The following ZBBX variants were observed in gnomAD, a reference collection of about 807,000 sequenced individuals.
ZBBX encodes the protein zinc finger B-box domain containing.
ZBBX carries 101 observed loss-of-function variants against 108.5 expected under a neutral mutation model. The ratio of observed to expected loss-of-function variants is 0.93; its 90% CI spans 0.79 to 1.10. ZBBX has a LOEUF of 1.10. ZBBX is among the 50% of genes least tolerant of loss of function. ZBBX has a pLI of 0.00. For missense variants in ZBBX, 1,009 were observed against 941.4 expected, an observed-to-expected ratio of 1.07 and a Z score of -0.94; for synonymous variants, 356 against 323.4, an observed-to-expected ratio of 1.10 and a Z score of -1.08.
intron 1 of ZBBX, among the ~76,000 whole-genome samples, chr3:167,389,148 G>A (rs372170010): frequency 4.6e-5 from 7 of 152,036 alleles, no homozygotes; most frequent in African/African-American, 1.7e-4. Flanking sequence ...CACCTGACAG[G>A]CCTCAGTGTG....
At chr3:167,386,134 AAAG>A (rs1747915475) in intron 1 of ZBBX, among the ~76,000 whole-genome samples, 1 of 152,070 alleles carries the variant, frequency 6.6e-6, no homozygotes. Flanking sequence ...CAGAAGAAAG[AAAG>A]AAAGGATAAA....
the ZBBX span, among the ~76,000 whole-genome samples, chr3:167,231,016 G>C: frequency 6.6e-6 from 1 of 151,724 alleles, no homozygotes; most frequent in African/African-American, 2.4e-5. Flanking sequence ...AAGAAAAAGA[G>C]GATTCGAAGG....
At chr3:167,325,918 G>T (rs1737299976) in intron 11 of ZBBX, among the ~76,000 whole-genome samples, 3 of 152,070 alleles carry the variant, frequency 2.0e-5, no homozygotes, top group African/African-American at 7.2e-5. Flanking sequence ...ACCAGAAAAT[G>T]CAGGAAAATA....
At chr3:167,196,164 T>C in the ZBBX span, among the ~76,000 whole-genome samples, 1 of 152,200 alleles carries the variant, frequency 6.6e-6, no homozygotes, top group Non-Finnish European at 1.5e-5. Flanking sequence ...CCTTTGATAC[T>C]GATGTATCAG....
chr3:167,244,648 G>A lies in ZBBX; in HGVS notation c.2255-2005C>T, dbSNP rs75595539. Among the ~76,000 whole-genome samples, 840 of 152,266 alleles carry A rather than the reference G, an allele frequency of 5.5e-3. 6 individuals carry two copies. The highest frequency in any genetic ancestry group is 0.019 in the African/African-American group (798 of 41,558). ...AACTGCTCATAACAACCCTATTGTA[G>A]GTTAGTGTTAAACTCAAAAGGTCAA... On this transcript the variant is annotated intron_variant, in intron 20 of 21. Coordinates refer to ENST00000675490, the MANE Select transcript of ZBBX (RefSeq NM_001199201.2).
chr3:167,365,474 A>G (rs537220326), intron 6 of ZBBX, among the ~76,000 whole-genome samples: 14 of 151,880 alleles, frequency 9.2e-5, no homozygotes, highest in Non-Finnish European at 1.6e-4. Context: ...ATGAATAATA[A>G]ATTATTATTG....
At chr3:167,369,078 C>G (rs1385760188) in intron 4 of ZBBX, among the ~76,000 whole-genome samples, 2 of 152,114 alleles carry the variant, frequency 1.3e-5, no homozygotes, top group Non-Finnish European at 2.9e-5. Context: ...TGTTTGAGAC[C>G]TATTAAGAAT....
At chr3:167,392,700 A>T (rs1466555972) in intron 1 of ZBBX, 1 of 151,698 alleles carries the variant, frequency 6.6e-6, no homozygotes, top group Non-Finnish European at 1.5e-5. Context: ...CTCATCTAAA[A>T]CTCATGGTTT....
chr3:167,184,589 G>A, the ZBBX span, among the ~76,000 whole-genome samples: 1 of 151,956 alleles, frequency 6.6e-6, no homozygotes, highest in Admixed American at 6.6e-5. Flanking sequence ...ACAGGAAACC[G>A]GTTACATTAA....
chr3:167,323,581 G>A (rs940227236), intron 11 of ZBBX, among the ~76,000 whole-genome samples: 4 of 152,070 alleles, frequency 2.6e-5, no homozygotes, highest in African/African-American at 9.7e-5. Context: ...GGATTTATGA[G>A]GCATGGCTCC....
At position 167,406,267 on chromosome 3, in the gene ZBBX, G is replaced by A. The variant is rs576229315; in HGVS notation, c.-446+1459C>T. On this transcript the variant is annotated intron_variant, in intron 1 of 21. Coordinates refer to the ZBBX transcript ENST00000455345. ...TGTGATAAACATTTAAAGGCAATTT[G>A]GACAAAAGCCTACTTATATTTTTCA... Among the ~76,000 whole-genome samples the A allele has an allele frequency of 6.0e-4, 92 of 152,254 alleles. 1 individual carries two copies. Among genetic ancestry groups the A allele is most frequent in the African/African-American group, 2.1e-3 (89 of 41,550 alleles).
chr3:167,377,225 A>T (rs1005043802), intron 2 of ZBBX, among the ~76,000 whole-genome samples: 4 of 152,176 alleles, frequency 2.6e-5, no homozygotes, highest in Non-Finnish European at 5.9e-5. Flanking sequence ...CAACCCACAC[A>T]TCAAAACCTA....
At position 167,242,500 on chromosome 3, in the gene ZBBX, C is replaced by T; in HGVS notation, c.2393+5G>A. 2.5e-6 allele frequency: 4 copies of T among 1,596,072 alleles called. 1 individual carries two copies. The South Asian group carries it at 4.6e-5, about 18-fold the overall frequency. On this transcript the variant is annotated splice_donor_5th_base_variant and intron_variant, in intron 21 of 21. Transcript: ENST00000675490. The stretch of plus-strand genomic sequence containing the variant: ...ATTAATAAATAAACTGCAGGCTTAA[C>T]TTACCTCAATTCCTCAACTCCACAG...
At position 167,314,639 on chromosome 3, in the gene ZBBX, A is replaced by G. The variant is rs138116107; in HGVS notation, c.1275-523T>C. Among the ~76,000 whole-genome samples the G allele has an allele frequency of 4.9e-3, 739 of 152,308 alleles. 2 individuals are homozygous for G. The highest frequency in any genetic ancestry group is 0.01 in the Middle Eastern group (3 of 294). On this transcript the variant is annotated intron_variant, in intron 15 of 21. Transcript: ENST00000675490. Reference sequence around the variant, plus strand: ...ATTTAGTAATACCTGATATTTATATAAGCTCTACAGAATACCATTATAAAA... The same window carrying G: ...ATTTAGTAATACCTGATATTTATATGAGCTCTACAGAATACCATTATAAAA...
intron 10 of ZBBX, among the ~76,000 whole-genome samples, chr3:167,333,481 C>T (rs1447949790): frequency 6.6e-6 from 1 of 152,058 alleles, no homozygotes; most frequent in African/African-American, 2.4e-5. Context: ...TTTAGCTTCT[C>T]TGAATGAAGT....
At chr3:167,285,612 T>C (rs955759858) in intron 19 of ZBBX, among the ~76,000 whole-genome samples, 2 of 152,138 alleles carry the variant, frequency 1.3e-5, no homozygotes, top group African/African-American at 4.8e-5. Context: ...TTATGACCTG[T>C]GAAATACAAA....
At chr3:167,377,943 G>A (rs1377860579) in intron 2 of ZBBX, among the ~76,000 whole-genome samples, 2 of 152,072 alleles carry the variant, frequency 1.3e-5, no homozygotes, top group South Asian at 2.1e-4. Flanking sequence ...TTTCCCCCAC[G>A]CTATTTTCGT....
chr3:167,254,927 A>AGAGAGAGAGAAAGG (rs1438697313), intron 20 of ZBBX, among the ~76,000 whole-genome samples: 2 of 152,050 alleles, frequency 1.3e-5, no homozygotes, highest in East Asian at 1.9e-4. Flanking sequence ...AGAAAGGGAG[A>AGAGAGAGAGAAAGG]GAGAGAGACA....
At chr3:167,243,120 T>C (rs1720965609) in intron 20 of ZBBX, among the ~76,000 whole-genome samples, 1 of 152,228 alleles carries the variant, frequency 6.6e-6, no homozygotes, top group African/African-American at 2.4e-5. Context: ...CTGTTCATAT[T>C]TGAAAGCAGA....
Sources: gnomAD v4.1 joint callset for allele counts (sites outside exome capture counted in the v4.1 genomes callset) on GRCh38, gnomAD v4.1.1 for gene constraint, MANE v1.5 for transcripts, NCBI Gene and HGNC (gene_info 2026-07-23, HGNC 2026-07-21) for gene names.